The following TMCO1 variants were observed in gnomAD, a reference collection of about 807,000 sequenced individuals.
The protein encoded by TMCO1 is calcium load-activated calcium channel.
TMCO1 carries 29 observed loss-of-function variants against 29.3 expected under a neutral mutation model. The observed-to-expected ratio is 0.99, with a 90% CI of 0.74 to 1.35. The LOEUF is 1.35. Among genes scored for constraint, TMCO1 ranks in the 40% most tolerant of loss-of-function variants. The probability of loss-of-function intolerance (pLI) is 0.00; values close to 1 mark genes in which losing one functional copy is unlikely to be tolerated. For missense variants in TMCO1, 173 were observed against 225.5 expected (o/e 0.77, Z 1.49); for synonymous variants, 80 against 77.1 (o/e 1.04, Z -0.20).
At chr1:165,768,100 G>C (rs961624853) in intron 2 of TMCO1, 92 bp downstream of exon 2, 36 of 1,094,782 alleles carry the variant, frequency 3.3e-5, no homozygotes, top group Non-Finnish European at 4.9e-5. Flanking sequence ...GTTCATCTTT[G>C]TATCAGCTGG....
In TMCO1 at chr1:165,726,817, T is replaced by C; in HGVS notation, c.*1206A>G. ...TAGTTTTGTATGTCTAAACATGTCTTTATTTTGCCTCCAATATTGTACATA... is the reference window on the plus strand; with the variant it reads ...TAGTTTTGTATGTCTAAACATGTCTCTATTTTGCCTCCAATATTGTACATA... On this transcript the variant is annotated 3_prime_UTR_variant, in exon 7 of 7. Transcript: ENST00000367881. The C allele has an allele frequency of 2.2e-6, 1 of 453,100 alleles. No individual in the cohort carries two copies. Among genetic ancestry groups the C allele is most frequent in the Non-Finnish European group, 4.4e-6 (1 of 226,536 alleles). 28.1% of individuals were successfully genotyped at this position (453,100 alleles called of 1,614,324 possible). A position where few individuals can be genotyped will look rare whatever the true frequency, so the allele number is the denominator to read the frequency against.
At chr1:165,736,014 T>G (rs73020532) in intron 6 of TMCO1, among the ~76,000 whole-genome samples, 2,017 of 152,290 alleles carry the variant, frequency 0.013, 52 homozygotes, top group African/African-American at 0.047. Context: ...TGGGAACTTT[T>G]GGAGGTGATT....
intron 6 of TMCO1, among the ~76,000 whole-genome samples, chr1:165,734,631 A>AGGG (rs1183657295): frequency 1.3e-5 from 2 of 151,952 alleles, no homozygotes; most frequent in African/African-American, 2.4e-5. Context: ...TTAGCCTCCC[A>AGGG]AGTAGCTGGG....
At chr1:165,752,456 C>T (rs113340607) in intron 4 of TMCO1, among the ~76,000 whole-genome samples, 2,003 of 151,532 alleles carry the variant, frequency 0.013, 53 homozygotes, top group African/African-American at 0.047. Context: ...GGAGTTTCAC[C>T]GTGTTAGCCA....
chr1:165,740,036 A>T (rs113299150), intron 6 of TMCO1, among the ~76,000 whole-genome samples: 5 of 151,592 alleles, frequency 3.3e-5, no homozygotes, highest in African/African-American at 1.2e-4. Context: ...CACTTGAACC[A>T]GGGAGGCGGA....
intron 6 of TMCO1, among the ~76,000 whole-genome samples, chr1:165,732,426 A>C (rs1651201168): frequency 2.0e-5 from 3 of 150,098 alleles, no homozygotes; most frequent in African/African-American, 4.9e-5. Context: ...ATCGTGTAAC[A>C]GGCCTATTTT....
intron 6 of TMCO1, among the ~76,000 whole-genome samples, chr1:165,741,589 G>A (rs1205547223): frequency 6.6e-6 from 1 of 152,174 alleles, no homozygotes; most frequent in Non-Finnish European, 1.5e-5. Flanking sequence ...GGATGTGATG[G>A]GATATGAATT....
intron 5 of TMCO1, among the ~76,000 whole-genome samples, chr1:165,750,671 T>C (rs1001844031): frequency 6.6e-6 from 1 of 152,140 alleles, no homozygotes; most frequent in African/African-American, 2.4e-5. Flanking sequence ...GACTTTTGTG[T>C]GGACAAAAAT....
chr1:165,768,781 G>A lies in TMCO1; in HGVS notation c.-30C>T, dbSNP rs1412053241. 3 of 1,613,780 alleles carry A rather than the reference G, an allele frequency of 1.9e-6. No homozygotes were observed. Among genetic ancestry groups the A allele is most frequent in the East Asian group, 2.2e-5 (1 of 44,900 alleles). The stretch of plus-strand genomic sequence containing the variant: ...CACCTTCGTCTCTGCACTCTCACCC[G>A]CCAGGGGGAAAGCGCTCTACAGCCA... On this transcript the variant is annotated 5_prime_UTR_variant, in exon 1 of 7. Coordinates refer to ENST00000367881, the MANE Select transcript of TMCO1 (RefSeq NM_019026.6).
chr1:165,743,373 C>T, intron 5 of TMCO1, 62 bp from the exon 6 acceptor site: 9 of 1,547,798 alleles, frequency 5.8e-6, no homozygotes, highest in Non-Finnish European at 8.0e-6. Flanking sequence ...TTCTTACTTC[C>T]AAAGAAGAAT....
Position 165,752,088 on chromosome 1 carries a change from A to T in TMCO1, c.323+14T>A, listed in dbSNP as rs770109306. The T allele has an allele frequency of 6.3e-7, 1 of 1,599,916 alleles. No homozygotes were observed. The highest frequency in any genetic ancestry group is 8.6e-7 in the Non-Finnish European group (1 of 1,167,262). ...TAATAGTTATTAGTCAAAAGCATATAAAAGGACACTCACATGGAATTGAAC... is the reference window on the plus strand; with the variant it reads ...TAATAGTTATTAGTCAAAAGCATATTAAAGGACACTCACATGGAATTGAAC... On this transcript the variant is annotated intron_variant, in intron 5 of 6. Transcript: ENST00000367881.
intron 2 of TMCO1, among the ~76,000 whole-genome samples, chr1:165,767,689 CTTTTTT>C (rs1171417830): frequency 1.3e-5 from 2 of 149,444 alleles, no homozygotes; most frequent in Non-Finnish European, 3.0e-5. Context: ...GCCTCTTCTT[CTTTTTT>C]TTTTAAAGAC....
chr1:165,724,939 T>G, downstream of TMCO1: 1 of 452,282 alleles, frequency 2.2e-6, no homozygotes, highest in Non-Finnish European at 4.4e-6. Context: ...GAGCTGATAA[T>G]TGTCGAAGGT....
intron 5 of TMCO1, among the ~76,000 whole-genome samples, chr1:165,746,730 G>A (rs1651813045): frequency 6.6e-6 from 1 of 152,072 alleles, no homozygotes. Context: ...CTTTACTGCA[G>A]TATCGTTGGT....
At chr1:165,726,147 G>T (rs61473419), downstream of TMCO1, 1 of 694,188 alleles carries the variant, frequency 1.4e-6, no homozygotes, top group Admixed American at 2.0e-5. Context: ...TGTTATCATG[G>T]GCATCATTTT....
At chr1:165,746,452 A>T (rs963909109) in intron 5 of TMCO1, among the ~76,000 whole-genome samples, 17 of 61,630 alleles carry the variant, frequency 2.8e-4, no homozygotes, top group Non-Finnish European at 4.6e-4. Flanking sequence ...GAAGACCTAT[A>T]TCACACACAC....
rs1230369343 is a variant in TMCO1, at chr1:165,727,064, A to G, written c.*959T>C. The G allele has an allele frequency of 2.2e-6, 1 of 454,096 alleles. No individual in the cohort carries two copies. The allele number at this position is 454,096 out of a possible 1,614,324, so 28.1% of individuals were successfully genotyped here. On this transcript the variant is annotated 3_prime_UTR_variant, in exon 7 of 7. Transcript: ENST00000367881. Reference sequence around the variant, plus strand: ...GACTCCACACAGGACTCCTAATTCCATAGATTATGCGGGGAGGATCATGGT... The same window carrying G: ...GACTCCACACAGGACTCCTAATTCCGTAGATTATGCGGGGAGGATCATGGT...
At chr1:165,761,407 T>G (rs1362718401) in intron 2 of TMCO1, among the ~76,000 whole-genome samples, 1 of 151,864 alleles carries the variant, frequency 6.6e-6, no homozygotes, top group Non-Finnish European at 1.5e-5. Context: ...TGGTGGCACA[T>G]GCCTATAGTC....
At chr1:165,734,789 C>T (rs1571211832) in intron 6 of TMCO1, among the ~76,000 whole-genome samples, 1 of 152,196 alleles carries the variant, frequency 6.6e-6, no homozygotes, top group East Asian at 1.9e-4. Context: ...AGGTGTGAGC[C>T]ACCGCGCTCG....
Sources: allele counts gnomAD v4.1 joint callset (sites outside exome capture counted in the v4.1 genomes callset), GRCh38; gene constraint gnomAD v4.1.1; transcripts MANE v1.5; gene names NCBI Gene and HGNC (gene_info 2026-07-23, HGNC 2026-07-21).